Variants in CNTRL observed in about 807,000 individuals in gnomAD.
CNTRL encodes centriolin.
A neutral mutation model predicts 303.7 loss-of-function variants in CNTRL; 233 were observed. That is an observed-to-expected ratio of 0.77 (90% confidence interval 0.69 to 0.86). The LOEUF (loss-of-function observed/expected upper bound fraction) is 0.86, where lower values mean the gene tolerates loss of function less well. Ranked by LOEUF, CNTRL falls within the 40% of genes least tolerant of loss-of-function variation. CNTRL has a pLI of 0.00. For missense variants in CNTRL, 2,524 were observed against 2,650.6 expected (o/e 0.95, Z 1.05); for synonymous variants, 900 against 922.2 (o/e 0.98, Z 0.44).
intron 23 of CNTRL, among the ~76,000 whole-genome samples, chr9:121,147,475 G>T (rs2051944942): frequency 1.3e-5 from 2 of 152,142 alleles, no homozygotes; most frequent in East Asian, 3.8e-4. Context: ...GTGAGCTTTC[G>T]GTGGGGCTCT....
chr9:121,157,998 G>GA lies in CNTRL; in HGVS notation c.4656dup (p.Asp1553ArgfsTer9). The GA allele has an allele frequency of 6.2e-7, 1 of 1,614,082 alleles. No homozygotes were observed. Among genetic ancestry groups the GA allele is most frequent in the Admixed American group, 1.7e-5 (1 of 60,012 alleles). On this transcript the variant is annotated frameshift_variant, in exon 30 of 44. Transcript: ENST00000373855. LOFTEE classifies it high-confidence loss of function. ...TGCTTTGTAGGCTTCAGAAACTACAGAAAGACATAGAGATGGCAGAACGCA... is the reference window on the plus strand; with the variant it reads ...TGCTTTGTAGGCTTCAGAAACTACAGAAAAGACATAGAGATGGCAGAACGCA...
intron 7 of CNTRL, among the ~76,000 whole-genome samples, chr9:121,106,414 A>G (rs1342784916): frequency 6.6e-6 from 1 of 151,988 alleles, no homozygotes; most frequent in Non-Finnish European, 1.5e-5. Flanking sequence ...TGGAGAAGAC[A>G]TGAGAATGAG....
At chr9:121,075,532 A>G (rs926202855) in intron 1 of CNTRL, among the ~76,000 whole-genome samples, 1 of 152,204 alleles carries the variant, frequency 6.6e-6, no homozygotes, top group Non-Finnish European at 1.5e-5. Context: ...ACGAAATGCT[A>G]AAAGAAGGGG....
intron 1 of CNTRL, among the ~76,000 whole-genome samples, chr9:121,079,055 C>T (rs554024313): frequency 3.9e-5 from 6 of 152,258 alleles, no homozygotes; most frequent in East Asian, 1.9e-4. Context: ...TGACCAGCCA[C>T]GATCCTGAAG....
chr9:121,087,488 C>G (rs979813143), intron 2 of CNTRL, among the ~76,000 whole-genome samples: 2 of 152,022 alleles, frequency 1.3e-5, no homozygotes, highest in African/African-American at 4.8e-5. Flanking sequence ...GTCAGGAGTT[C>G]GAGATCAGCC....
At position 121,096,494 on chromosome 9, in the gene CNTRL, T is replaced by A. The variant is rs1424297164; in HGVS notation, c.552T>A (p.Ile184=). ...TTGCAGGAAATGAAATTGAGCATAT[T>A]CCAGTATGGTTAGGGAAGAAGTTAA... ...LNLAGNEIEH[I]PVWLGKKLKS... The change falls in exon 6 of 44, where the codon ATT becomes ATA. Residue 184 remains isoleucine, a synonymous_variant. Coordinates refer to ENST00000373855, the MANE Select transcript of CNTRL (RefSeq NM_007018.6). 1.9e-6 allele frequency: 3 copies of A among 1,572,064 alleles called. No individual in the cohort carries two copies. The South Asian group carries it at 3.6e-5, about 19-fold the overall frequency.
chr9:121,135,077 G>C (rs1259527977), intron 14 of CNTRL, among the ~76,000 whole-genome samples: 2 of 152,180 alleles, frequency 1.3e-5, no homozygotes, highest in Non-Finnish European at 2.9e-5. Context: ...GTAATAGTTT[G>C]ATCCCAAGTA....
rs1407987942 is a variant in CNTRL, at chr9:121,096,292, T to C, written c.480-130T>C. ...AGCCACTTTTCTTTGTTCTCATTTA[T>C]GAAAAGAGTTGATAAATTATCATTA... On this transcript the variant is annotated intron_variant, in intron 5 of 43. Coordinates refer to ENST00000373855, the MANE Select transcript of CNTRL (RefSeq NM_007018.6). The C allele has an allele frequency of 4.8e-6, 3 of 624,246 alleles. No individual in the cohort carries two copies. In the African/African-American group the frequency reaches 5.7e-5, roughly 12 times the overall value. 38.7% of individuals were successfully genotyped at this position (624,246 alleles called of 1,614,324 possible).
intron 3 of CNTRL, among the ~76,000 whole-genome samples, chr9:121,089,210 T>C (rs1400401626): frequency 6.6e-6 from 1 of 152,262 alleles, no homozygotes; most frequent in Non-Finnish European, 1.5e-5. Context: ...TTGTTATTTC[T>C]AATTTGATTA....
intron 26 of CNTRL, among the ~76,000 whole-genome samples, chr9:121,153,068 C>T (rs1431753426): frequency 6.6e-6 from 1 of 152,222 alleles, no homozygotes; most frequent in Admixed American, 6.5e-5. Flanking sequence ...CTCTCCTGTG[C>T]TTCCAGTTGG....
intron 21 of CNTRL, 68 bp downstream of exon 21, chr9:121,145,027 T>C (rs1057067458): frequency 7.5e-7 from 1 of 1,340,860 alleles, no homozygotes; most frequent in Non-Finnish European, 1.1e-6. Flanking sequence ...ACAAAATTAC[T>C]GTAGGTGATG....
chr9:121,089,665 T>C (rs2048479793), intron 3 of CNTRL, among the ~76,000 whole-genome samples: 1 of 152,194 alleles, frequency 6.6e-6, no homozygotes, highest in Non-Finnish European at 1.5e-5. Context: ...ATTGGAATTT[T>C]CTAAAAAAAC....
chr9:121,093,846 G>A (rs562814630), intron 4 of CNTRL, among the ~76,000 whole-genome samples: 31 of 152,260 alleles, frequency 2.0e-4, no homozygotes, highest in Admixed American at 1.3e-3. Context: ...GAATTTGCAA[G>A]GGCATTGGGG....
In CNTRL at chr9:121,146,165, TTTC is replaced by T; in HGVS notation, c.3371_3373del (p.Ser1124del). On this transcript the variant is annotated inframe_deletion, in exon 23 of 44. Transcript: ENST00000373855. The stretch of plus-strand genomic sequence containing the variant: ...GAAATTGCTGAACTTCGACGTGAAG[TTTC>T]TTATCAGAATGATTACATAAGCAGC... 6.2e-7 allele frequency: 1 copy of T among 1,613,612 alleles called. No homozygotes were observed. Among genetic ancestry groups the T allele is most frequent in the Non-Finnish European group, 8.5e-7 (1 of 1,179,860 alleles).
chr9:121,120,494 C>G (rs138623991), intron 12 of CNTRL, among the ~76,000 whole-genome samples: 1 of 152,154 alleles, frequency 6.6e-6, no homozygotes, highest in African/African-American at 2.4e-5. Flanking sequence ...TGTAAGGTCC[C>G]TGAAGACATG....
At position 121,098,388 on chromosome 9, in the gene CNTRL, C is replaced by T. The variant is rs755476575; in HGVS notation, c.624C>T (p.Leu208=). The change falls in exon 7 of 44, where the codon CTC becomes CTT. Residue 208 remains leucine, a splice_region_variant and synonymous_variant. Coordinates refer to ENST00000373855, the MANE Select transcript of CNTRL (RefSeq NM_007018.6). ...ATACTAATGTTATATCATTTCAGCT[C>T]CAAGATATAAGCAAGTTGAAACCGC... is the stretch of plus-strand genomic sequence containing the variant. ...LNLKGNKISS[L]QDISKLKPLQ... The T allele has an allele frequency of 1.9e-6, 3 of 1,595,518 alleles. No homozygotes were observed. Among genetic ancestry groups the T allele is most frequent in the Admixed American group, 1.7e-5 (1 of 59,110 alleles).
intron 14 of CNTRL, among the ~76,000 whole-genome samples, chr9:121,130,790 C>CA (rs2050811522): frequency 6.6e-6 from 1 of 152,202 alleles, no homozygotes; most frequent in South Asian, 2.1e-4. Context: ...TTTCCCTTTA[C>CA]ACACTGCTTT....
intron 7 of CNTRL, among the ~76,000 whole-genome samples, chr9:121,105,192 C>G (rs7022941): frequency 0.38 from 57,937 of 151,968 alleles, 12,454 homozygotes; most frequent in South Asian, 0.65. Context: ...AGAGTCAGCC[C>G]TGGTTAACAC....
intron 6 of CNTRL, 104 bp downstream of exon 6, chr9:121,096,667 C>T: frequency 1.1e-6 from 1 of 904,906 alleles, no homozygotes; most frequent in Non-Finnish European, 1.5e-6. Context: ...AAAGATTTTG[C>T]TCCTTTGACT....
Sources: gnomAD v4.1 joint callset for allele counts (sites outside exome capture counted in the v4.1 genomes callset) on GRCh38, gnomAD v4.1.1 for gene constraint, MANE v1.5 for transcripts, NCBI Gene and HGNC (gene_info 2026-07-23, HGNC 2026-07-21) for gene names.